ENKUR: variants seen among roughly 807,000 people sequenced by gnomAD.
ENKUR encodes enkurin.
Under a neutral mutation model 27.6 loss-of-function variants are expected in ENKUR, and 19 were observed. The observed-to-expected ratio is 0.69, with a 90% CI of 0.48 to 1.01. The LOEUF (loss-of-function observed/expected upper bound fraction) is 1.01, where lower values mean the gene tolerates loss of function less well. ENKUR is among the 50% of genes least tolerant of loss of function. The pLI, the probability that ENKUR is intolerant of heterozygous loss-of-function variation, is 0.00. For synonymous variants in ENKUR, 117 were observed against 96.9 expected, an observed-to-expected ratio of 1.21 and a Z score of -1.22; for missense variants, 312 against 310.5, an observed-to-expected ratio of 1.00 and a Z score of -0.04.
chr10:25,057,412 C>CACAT (rs1469890754), intron 2 of ENKUR, among the ~76,000 whole-genome samples: 1 of 149,976 alleles, frequency 6.7e-6, no homozygotes, highest in African/African-American at 2.5e-5. Flanking sequence ...CACACACACA[C>CACAT]ACACACACAC....
intron 1 of ENKUR, among the ~76,000 whole-genome samples, chr10:25,003,830 C>T (rs1850250088): frequency 6.6e-6 from 1 of 152,150 alleles, no homozygotes; most frequent in African/African-American, 2.4e-5. Context: ...CTCCTTCCAC[C>T]CCCAGCCTCC....
At chr10:24,990,659 A>G in intron 3 of ENKUR, 50 bp from the exon 4 acceptor site, 1 of 1,521,824 alleles carries the variant, frequency 6.6e-7, no homozygotes, top group Non-Finnish European at 8.9e-7. Context: ...ATGCAATCTT[A>G]CATATGGGTA....
At chr10:25,056,887 G>A (rs1268527477) in intron 2 of ENKUR, among the ~76,000 whole-genome samples, 1 of 152,138 alleles carries the variant, frequency 6.6e-6, no homozygotes, top group Non-Finnish European at 1.5e-5. Context: ...CAGCTAGGAC[G>A]TTGCCAAGAG....
chr10:24,990,327 T>G (rs1849897736), intron 4 of ENKUR, 136 bp downstream of exon 4: 1 of 1,174,556 alleles, frequency 8.5e-7, no homozygotes, highest in Non-Finnish European at 1.2e-6. Context: ...CTGTATGTAG[T>G]TTTTAACTGT....
At chr10:25,057,415 ACACACACACACAC>A (rs1564359440) in intron 2 of ENKUR, among the ~76,000 whole-genome samples, 18 of 150,264 alleles carry the variant, frequency 1.2e-4, no homozygotes, top group East Asian at 3.9e-4. Flanking sequence ...ACACACACAC[ACACACACACACAC>A]AATGCCCTTA....
intron 2 of ENKUR, among the ~76,000 whole-genome samples, chr10:25,033,538 C>T (rs1234322421): frequency 2.0e-5 from 3 of 151,686 alleles, no homozygotes; most frequent in East Asian, 1.9e-4. Context: ...TTCAACTTTG[C>T]GTAACCCTTT....
intron 1 of ENKUR, among the ~76,000 whole-genome samples, chr10:25,008,277 T>G (rs1850360418): frequency 6.6e-6 from 1 of 152,180 alleles, no homozygotes; most frequent in East Asian, 1.9e-4. Context: ...AGTCTAGACT[T>G]TCTTTGAATA....
At chr10:24,991,256 C>T (rs1427932539) in intron 3 of ENKUR, among the ~76,000 whole-genome samples, 1 of 152,000 alleles carries the variant, frequency 6.6e-6, no homozygotes, top group East Asian at 1.9e-4. Flanking sequence ...ATAAGATATT[C>T]AAGAGTTGGC....
At chr10:25,051,566 G>A (rs1424674994) in intron 2 of ENKUR, among the ~76,000 whole-genome samples, 5 of 152,098 alleles carry the variant, frequency 3.3e-5, no homozygotes, top group Admixed American at 1.3e-4. Context: ...GAGGTGCCAC[G>A]CACTTTTAAA....
At chr10:25,007,987 A>C (rs1850354280) in intron 1 of ENKUR, among the ~76,000 whole-genome samples, 1 of 148,290 alleles carries the variant, frequency 6.7e-6, no homozygotes, top group African/African-American at 2.4e-5. Context: ...ATATATGTAT[A>C]TATAATATAT....
chr10:25,004,496 G>T (rs932648334), intron 1 of ENKUR, among the ~76,000 whole-genome samples: 2 of 152,058 alleles, frequency 1.3e-5, no homozygotes, highest in Non-Finnish European at 2.9e-5. Flanking sequence ...GTTTTGATTT[G>T]CATTTCTCTA....
chr10:24,989,687 G>A (rs1270247183), intron 4 of ENKUR, among the ~76,000 whole-genome samples: 1 of 152,204 alleles, frequency 6.6e-6, no homozygotes, highest in African/African-American at 2.4e-5. Context: ...ATGTTCAGAA[G>A]TTGTAACAGC....
chr10:24,990,654 A>G (rs1419246657), intron 3 of ENKUR, 45 bp from the exon 4 acceptor site: 6 of 1,546,078 alleles, frequency 3.9e-6, no homozygotes, highest in South Asian at 2.4e-5. Context: ...TTTGTATGCA[A>G]TCTTACATAT....
intron 1 of ENKUR, among the ~76,000 whole-genome samples, chr10:25,001,296 T>G (rs1290910097): frequency 6.6e-6 from 1 of 151,868 alleles, no homozygotes; most frequent in African/African-American, 2.4e-5. Context: ...TTTCTTTTTT[T>G]TCCTCTGGCT....
chr10:25,022,551 TA>T (rs1320611825), intron 2 of ENKUR, among the ~76,000 whole-genome samples: 1 of 152,230 alleles, frequency 6.6e-6, no homozygotes, highest in African/African-American at 2.4e-5. Context: ...AAAAGGCACA[TA>T]AGAAAGAAAA....
intron 1 of ENKUR, among the ~76,000 whole-genome samples, chr10:25,002,034 A>G (rs1384332836): frequency 3.3e-5 from 5 of 152,136 alleles, no homozygotes; most frequent in African/African-American, 1.2e-4. Flanking sequence ...CAGTTATGAT[A>G]GTTGGAAACA....
At chr10:24,992,888 C>G (rs1849956234) in intron 3 of ENKUR, among the ~76,000 whole-genome samples, 1 of 152,156 alleles carries the variant, frequency 6.6e-6, no homozygotes, top group South Asian at 2.1e-4. Flanking sequence ...CAATCCACTT[C>G]AGGAAACACT....
upstream of ENKUR, among the ~76,000 whole-genome samples, chr10:25,017,386 T>A (rs1425926092): frequency 6.6e-6 from 1 of 152,068 alleles, no homozygotes; most frequent in Non-Finnish European, 1.5e-5. Context: ...GATGGATGCC[T>A]CTGAACCACC....
At chr10:25,012,378 C>T (rs1429316775) in intron 1 of ENKUR, among the ~76,000 whole-genome samples, 3 of 152,190 alleles carry the variant, frequency 2.0e-5, no homozygotes, top group Non-Finnish European at 4.4e-5. Context: ...AATGGTAAAT[C>T]CACTGAGAGC....
Sources: allele counts gnomAD v4.1 joint callset (sites outside exome capture counted in the v4.1 genomes callset), GRCh38; gene constraint gnomAD v4.1.1; transcripts MANE v1.5; gene names NCBI Gene and HGNC (gene_info 2026-07-23, HGNC 2026-07-21).